Variants in QTMAN observed in about 807,000 individuals in gnomAD.
QTMAN encodes the protein tRNA-queuosine alpha-mannosyltransferase.
At chr2:144,190,239 T>C in the QTMAN span, among the ~76,000 whole-genome samples, 1 of 152,208 alleles carries the variant, frequency 6.6e-6, no homozygotes, top group Non-Finnish European at 1.5e-5. Flanking sequence ...AAAAGGTTCA[T>C]TATCTGTTCC....
chr2:144,270,208 G>GAGTGTAAATT, the QTMAN span, among the ~76,000 whole-genome samples: 1 of 152,162 alleles, frequency 6.6e-6, no homozygotes, highest in Non-Finnish European at 1.5e-5. Context: ...CTGTTGGTGG[G>GAGTGTAAATT]AGTGTAAATT....
the QTMAN span, among the ~76,000 whole-genome samples, chr2:144,019,934 T>C: frequency 3.5e-4 from 54 of 152,240 alleles, no homozygotes; most frequent in African/African-American, 1.3e-3. Context: ...ATTTGTTTGT[T>C]CATTCCATGA....
the QTMAN span, among the ~76,000 whole-genome samples, chr2:143,991,962 G>A: frequency 1.8e-4 from 27 of 149,606 alleles, no homozygotes; most frequent in Non-Finnish European, 2.4e-4. Flanking sequence ...GGTGAGGGGC[G>A]CCTCTGCCCG....
At chr2:144,090,317 T>C in the QTMAN span, among the ~76,000 whole-genome samples, 9 of 152,044 alleles carry the variant, frequency 5.9e-5, no homozygotes, top group African/African-American at 2.2e-4. Flanking sequence ...GGCAAAAACG[T>C]CTGCTCTTAC....
At chr2:144,037,423 C>T in the QTMAN span, among the ~76,000 whole-genome samples, 1 of 152,230 alleles carries the variant, frequency 6.6e-6, no homozygotes, top group East Asian at 1.9e-4. Flanking sequence ...CTCCATCAAC[C>T]CTCACCTAAT....
At chr2:144,330,410 T>C in the QTMAN span, among the ~76,000 whole-genome samples, 1 of 152,278 alleles carries the variant, frequency 6.6e-6, no homozygotes, top group African/African-American at 2.4e-5. Context: ...TCTCAGAACA[T>C]ACCTGTCATT....
chr2:143,996,413 A>G, the QTMAN span, among the ~76,000 whole-genome samples: 1 of 152,130 alleles, frequency 6.6e-6, no homozygotes, highest in African/African-American at 2.4e-5. Flanking sequence ...CTGTGTTCCT[A>G]AGAAAAAGAG....
chr2:144,043,718 CAGT>C, the QTMAN span, among the ~76,000 whole-genome samples: 2 of 151,682 alleles, frequency 1.3e-5, no homozygotes, highest in African/African-American at 4.8e-5. Flanking sequence ...AACTGACCAA[CAGT>C]CCTAAATAAT....
the QTMAN span, among the ~76,000 whole-genome samples, chr2:144,100,265 C>T: frequency 2.6e-4 from 40 of 152,158 alleles, no homozygotes; most frequent in Admixed American, 4.6e-4. Context: ...TCAGAATACA[C>T]GTGTTTCAAA....
the QTMAN span, among the ~76,000 whole-genome samples, chr2:144,111,208 C>T: frequency 1.3e-5 from 2 of 152,154 alleles, no homozygotes; most frequent in Admixed American, 1.3e-4. Flanking sequence ...TGAGATATAT[C>T]TGTGAAGTGA....
chr2:143,970,135 G>A, the QTMAN span, among the ~76,000 whole-genome samples: 1 of 152,192 alleles, frequency 6.6e-6, no homozygotes. Flanking sequence ...GAGAGGATCT[G>A]CTGCTATCAG....
chr2:144,107,531 T>C, the QTMAN span, among the ~76,000 whole-genome samples: 2 of 152,106 alleles, frequency 1.3e-5, no homozygotes, highest in Non-Finnish European at 2.9e-5. Context: ...CCTGGACACA[T>C]ACACCCCCTC....
the QTMAN span, among the ~76,000 whole-genome samples, chr2:144,323,451 G>A: frequency 6.6e-6 from 1 of 152,118 alleles, no homozygotes. Flanking sequence ...GTACAGTTGG[G>A]TCTTACTGCC....
the QTMAN span, among the ~76,000 whole-genome samples, chr2:144,077,084 A>G: frequency 7.9e-5 from 12 of 151,938 alleles, no homozygotes; most frequent in African/African-American, 2.9e-4. Flanking sequence ...AGAATCCTAT[A>G]TATTTACAAA....
chr2:143,997,153 C>A, the QTMAN span, among the ~76,000 whole-genome samples: 1 of 151,896 alleles, frequency 6.6e-6, no homozygotes, highest in East Asian at 1.9e-4. Context: ...TCTGTAAATA[C>A]CCCCCTTTCA....
the QTMAN span, among the ~76,000 whole-genome samples, chr2:144,282,666 G>A: frequency 1.3e-5 from 2 of 151,934 alleles, no homozygotes; most frequent in Non-Finnish European, 1.5e-5. Context: ...ATGTGTATTG[G>A]TCTCTGTCCC....
At chr2:144,006,890 A>G in the QTMAN span, 3 of 255,114 alleles carry the variant, frequency 1.2e-5, no homozygotes, top group Non-Finnish European at 2.2e-5. Context: ...TCTGATTCTT[A>G]TATTTTGAAA....
the QTMAN span, among the ~76,000 whole-genome samples, chr2:144,162,088 A>G: frequency 6.6e-6 from 1 of 152,342 alleles, no homozygotes; most frequent in Middle Eastern, 3.4e-3. Context: ...GAATAGACCT[A>G]ACAAAAATCA....
At chr2:144,039,560 T>C in the QTMAN span, among the ~76,000 whole-genome samples, 2 of 152,204 alleles carry the variant, frequency 1.3e-5, no homozygotes, top group Non-Finnish European at 2.9e-5. Context: ...GGCAAATCCT[T>C]TATTTTGTTC....
Sources: gnomAD v4.1 joint callset for allele counts (sites outside exome capture counted in the v4.1 genomes callset) on GRCh38, gnomAD v4.1.1 for gene constraint, MANE v1.5 for transcripts, NCBI Gene and HGNC (gene_info 2026-07-23, HGNC 2026-07-21) for gene names.